Variants in TMEM108 observed in about 807,000 individuals in gnomAD.
The protein encoded by TMEM108 is cancer/testis antigen 124.
TMEM108 carries 12 observed loss-of-function variants against 35.1 expected under a neutral mutation model. That is an observed-to-expected ratio of 0.34 (90% CI 0.22 to 0.55). The LOEUF is 0.55. Ranked by LOEUF, TMEM108 falls within the 20% of genes least tolerant of loss-of-function variation. TMEM108 has a pLI of 0.89. For missense variants in TMEM108, 680 were observed against 753.3 expected (o/e 0.90, Z 1.14); for synonymous variants, 287 against 308.6 (o/e 0.93, Z 0.73).
intron 3 of TMEM108, among the ~76,000 whole-genome samples, chr3:133,244,278 C>G (rs1946354201): frequency 6.6e-6 from 1 of 152,226 alleles, no homozygotes; most frequent in Non-Finnish European, 1.5e-5. Flanking sequence ...TGCTCCCCTA[C>G]TCCTCCCATC....
At chr3:133,048,307 A>C (rs1943363645) in intron 2 of TMEM108, among the ~76,000 whole-genome samples, 1 of 152,216 alleles carries the variant, frequency 6.6e-6, no homozygotes, top group African/African-American at 2.4e-5. Flanking sequence ...TAAAGACCAG[A>C]GAATGTTTGG....
intron 3 of TMEM108, among the ~76,000 whole-genome samples, chr3:133,295,898 C>T (rs918272379): frequency 3.3e-5 from 5 of 152,092 alleles, no homozygotes; most frequent in Admixed American, 6.5e-5. Context: ...ACCAAGGCCC[C>T]CTGAATGAAA....
intron 3 of TMEM108, among the ~76,000 whole-genome samples, chr3:133,368,778 T>C (rs1559932360): frequency 6.6e-6 from 1 of 152,216 alleles, no homozygotes; most frequent in Admixed American, 6.5e-5. Context: ...TGTGGAATTA[T>C]TCTTTCATTC....
chr3:133,045,130 G>T (rs941816459), intron 1 of TMEM108, among the ~76,000 whole-genome samples: 2 of 152,046 alleles, frequency 1.3e-5, no homozygotes, highest in Non-Finnish European at 1.5e-5. Flanking sequence ...ACCATGCCCG[G>T]CTAATTTTTT....
chr3:133,043,558 A>G (rs1029539189), intron 1 of TMEM108, among the ~76,000 whole-genome samples: 1 of 152,202 alleles, frequency 6.6e-6, no homozygotes, highest in African/African-American at 2.4e-5. Flanking sequence ...TAATTTTACC[A>G]AAACACTTTC....
At chr3:133,096,626 C>T (rs1944018714) in intron 2 of TMEM108, among the ~76,000 whole-genome samples, 1 of 152,102 alleles carries the variant, frequency 6.6e-6, no homozygotes, top group Admixed American at 6.6e-5. Flanking sequence ...ATGCACTGTG[C>T]CTTTCCTATA....
rs538914036 is a variant in TMEM108 at position 133,232,471 on chromosome 3, G to A, written c.40+3120G>A. On this transcript the variant is annotated intron_variant, in intron 3 of 5. Coordinates refer to ENST00000321871, the MANE Select transcript of TMEM108 (RefSeq NM_023943.4). ...CTTATCAGATGCAGATGCTGGTGCC[G>A]TGCTTCTTGTTTAGCCTGCAGAACT... is the stretch of plus-strand genomic sequence containing the variant. Among the ~76,000 whole-genome samples, 16 of 152,268 alleles carry A rather than the reference G, an allele frequency of 1.1e-4. 1 individual carries two copies. The South Asian group carries it at 1.9e-3, about 18-fold the overall frequency.
At chr3:133,392,377 G>A (rs2073247395) in intron 5 of TMEM108, among the ~76,000 whole-genome samples, 1 of 152,032 alleles carries the variant, frequency 6.6e-6, no homozygotes, top group African/African-American at 2.4e-5. Flanking sequence ...TGGCCAGGCT[G>A]GTCTCGACCT....
At chr3:133,107,453 G>A (rs1944166373) in intron 2 of TMEM108, among the ~76,000 whole-genome samples, 1 of 120,504 alleles carries the variant, frequency 8.3e-6, no homozygotes, top group South Asian at 2.9e-4. Context: ...TGAAGTGTAT[G>A]TGGTGTGTGT....
intron 2 of TMEM108, among the ~76,000 whole-genome samples, chr3:133,093,588 G>A (rs770618242): frequency 5.9e-5 from 9 of 152,150 alleles, no homozygotes; most frequent in Non-Finnish European, 1.2e-4. Context: ...GATCTAAAAT[G>A]CTTGGCAATA....
rs75756913 is a variant in TMEM108 at position 133,046,515 on chromosome 3, A to G, written c.-47+495A>G. ...GAAAATTCCAGATTTGGTGTATAAT[A>G]GCACTAGCAAAGTACATGGTTTTGC... On this transcript the variant is annotated intron_variant, in intron 2 of 5. Transcript: ENST00000321871. Among the ~76,000 whole-genome samples the G allele has an allele frequency of 2.0e-3, 307 of 152,346 alleles. 1 individual carries two copies. The highest frequency in any genetic ancestry group is 6.4e-3 in the African/African-American group (267 of 41,582).
chr3:133,092,409 T>A (rs1943959605), intron 2 of TMEM108, among the ~76,000 whole-genome samples: 2 of 152,376 alleles, frequency 1.3e-5, no homozygotes, highest in South Asian at 4.1e-4. Flanking sequence ...TCTGTCAAAT[T>A]TTAAATTTAT....
chr3:133,108,711 A>G (rs1350461765), intron 2 of TMEM108, among the ~76,000 whole-genome samples: 1 of 152,070 alleles, frequency 6.6e-6, no homozygotes, highest in Non-Finnish European at 1.5e-5. Context: ...ACTGGAAACC[A>G]TCATTCTCAG....
chr3:133,202,522 T>G (rs1258565127), intron 2 of TMEM108, among the ~76,000 whole-genome samples: 1 of 152,176 alleles, frequency 6.6e-6, no homozygotes, highest in Non-Finnish European at 1.5e-5. Context: ...GCTAGCTAGT[T>G]TTTGCAACAC....
chr3:133,202,787 G>T (rs1472239095), intron 2 of TMEM108, among the ~76,000 whole-genome samples: 1 of 152,052 alleles, frequency 6.6e-6, no homozygotes, highest in Non-Finnish European at 1.5e-5. Flanking sequence ...CTCTTTTTTG[G>T]TTCCATATGA....
chr3:133,290,726 C>G (rs543220198), intron 3 of TMEM108, among the ~76,000 whole-genome samples: 12 of 152,094 alleles, frequency 7.9e-5, no homozygotes, highest in Non-Finnish European at 1.5e-4. Flanking sequence ...TAGCCTGCAT[C>G]AGATAGAGTG....
rs1301394690 is a variant in TMEM108, at chr3:133,380,318, A to G, written c.607A>G (p.Ser203Gly). The G allele has an allele frequency of 1.9e-6, 3 of 1,614,100 alleles. No homozygotes were observed. The highest frequency in any genetic ancestry group is 2.5e-6 in the Non-Finnish European group (3 of 1,180,000). The change falls in exon 4 of 6, where the codon AGC becomes GGC. Residue 203 changes from serine to glycine, a missense_variant. Around this residue, in one of 3 missense-constraint regions of TMEM108, gnomAD observed 526 missense variants for 532.1 expected, o/e 0.99. Transcript: ENST00000321871. The surrounding 1 kb of genome is among the most constrained non-coding windows in gnomAD (Gnocchi z 5.3). ...SKEGQRGRNP[S>G]STPLGQKRPL... ...AGAAGGACAGCGAGGACGAAATCCA[A>G]GCTCCACACCTCTGGGGCAGAAGCG...
At chr3:133,152,348 C>T (rs770852380) in intron 2 of TMEM108, among the ~76,000 whole-genome samples, 4 of 152,144 alleles carry the variant, frequency 2.6e-5, no homozygotes, top group African/African-American at 7.2e-5. Context: ...GTAATGGCAA[C>T]GTATGCTGAC....
intron 3 of TMEM108, among the ~76,000 whole-genome samples, chr3:133,241,285 A>G (rs1372296776): frequency 2.0e-5 from 3 of 152,200 alleles, no homozygotes; most frequent in African/African-American, 4.8e-5. Context: ...CCTAAGATAC[A>G]TTGCCTTTGC....
Sources: gnomAD v4.1 joint callset for allele counts (sites outside exome capture counted in the v4.1 genomes callset) on GRCh38, gnomAD v4.1.1 for gene constraint, gnomAD v4.1.1 regional missense constraint, Gnocchi (gnomAD v3.1) non-coding constraint, MANE v1.5 for transcripts, NCBI Gene and HGNC (gene_info 2026-07-23, HGNC 2026-07-21) for gene names.